The following CTIF variants were observed in gnomAD, a reference collection of about 807,000 sequenced individuals.
CTIF encodes CBP80/20-dependent translation initiation factor.
In CTIF, 21 loss-of-function variants were observed where a neutral mutation model predicts 66.0. The ratio of observed to expected loss-of-function variants is 0.32; its 90% confidence interval spans 0.23 to 0.46. The LOEUF (loss-of-function observed/expected upper bound fraction) is 0.46, where lower values mean the gene tolerates loss of function less well. CTIF is among the 20% of genes least tolerant of loss of function. CTIF has a pLI of 1.00. For missense variants in CTIF, 739 were observed against 812.7 expected (o/e 0.91, Z 1.10); for synonymous variants, 345 against 326.4 (o/e 1.06, Z -0.62).
chr18:48,653,428 G>T (rs561569602), intron 3 of CTIF, among the ~76,000 whole-genome samples: 4 of 152,218 alleles, frequency 2.6e-5, no homozygotes, highest in South Asian at 4.2e-4. Flanking sequence ...GGAATGTGAA[G>T]GACCTCTTCA....
intron 9 of CTIF, among the ~76,000 whole-genome samples, chr18:48,812,956 C>G (rs1568238909): frequency 2.0e-5 from 3 of 151,732 alleles, no homozygotes; most frequent in Admixed American, 6.6e-5. Context: ...GAAAACTTCT[C>G]TAATTCACAG....
At chr18:48,639,541 G>T (rs900071995) in intron 3 of CTIF, among the ~76,000 whole-genome samples, 1 of 152,168 alleles carries the variant, frequency 6.6e-6, no homozygotes, top group Non-Finnish European at 1.5e-5. Flanking sequence ...TGCTGCAGGG[G>T]GAGGCAGGAG....
rs1050063227 is a variant in CTIF, at chr18:48,761,227, T to C, written c.1072-163T>C. The C allele has an allele frequency of 6.3e-6, 4 of 631,186 alleles. No homozygotes were observed. Among genetic ancestry groups the C allele is most frequent in the East Asian group, 2.8e-5 (1 of 36,250 alleles). 39.1% of individuals were successfully genotyped at this position (631,186 alleles called of 1,614,324 possible). ...AAGGCAACAAGGAGCTTTTGGCGCA[T>C]GAGGGGTCTTTGGTGGAGGTTCCCA... On this transcript the variant is annotated intron_variant, in intron 8 of 11. Coordinates refer to ENST00000256413, the MANE Select transcript of CTIF (RefSeq NM_014772.3). The surrounding 1 kb of genome is among the most constrained non-coding windows in gnomAD (Gnocchi z 4.2).
rs534464744 is a variant in CTIF, at chr18:48,857,511, G to A, written c.1528-77G>A. The A allele has an allele frequency of 3.6e-4, 490 of 1,351,696 alleles. 5 individuals carry two copies. The African/African-American group carries it at 5.5e-3, about 15-fold the overall frequency. The allele number at this position is 1,351,696 out of a possible 1,614,324, so 83.7% of individuals were successfully genotyped here. ...ATCAGGGCTGGGGCTGCAGGTCGGC[G>A]GGGGCTGCAGGGAGCTACAGGGCCC... On this transcript the variant is annotated intron_variant, in intron 10 of 11. Coordinates refer to ENST00000256413, the MANE Select transcript of CTIF (RefSeq NM_014772.3).
chr18:48,592,732 C>T (rs1024185196), intron 1 of CTIF, among the ~76,000 whole-genome samples: 1 of 152,222 alleles, frequency 6.6e-6, no homozygotes, highest in African/African-American at 2.4e-5. Flanking sequence ...CAGGCCTCTG[C>T]CTGGCAGTGC....
At position 48,730,656 on chromosome 18, in the gene CTIF, T is replaced by TCCGCGGTGTGAGGGGCCC. The variant is rs1175681443; in HGVS notation, c.584+18962_584+18963insCGCGGTGTGAGGGGCCCC. Among the ~76,000 whole-genome samples, 53 of 103,736 alleles carry TCCGCGGTGTGAGGGGCCC rather than the reference T, an allele frequency of 5.1e-4. 1 individual carries two copies. Among genetic ancestry groups the TCCGCGGTGTGAGGGGCCC allele is most frequent in the African/African-American group, 1.4e-3 (38 of 27,302 alleles). The allele number at this position is 103,736 out of a possible 152,430, so 68.1% of individuals were successfully genotyped here. A position where few individuals can be genotyped will look rare whatever the true frequency, so the allele number is the denominator to read the frequency against. ...AGGGGCCCCTGTGGTGTGAGGGGCT[T>TCCGCGGTGTGAGGGGCCC]CTGCGGTGTGAGGGGCTTCTGCGGT... On this transcript the variant is annotated intron_variant, in intron 7 of 11. Coordinates refer to ENST00000256413, the MANE Select transcript of CTIF (RefSeq NM_014772.3).
intron 1 of CTIF, among the ~76,000 whole-genome samples, chr18:48,609,485 A>G (rs957750817): frequency 6.6e-6 from 1 of 152,142 alleles, no homozygotes; most frequent in African/African-American, 2.4e-5. Context: ...CACTTTTCTC[A>G]TTCATTCTTT....
At chr18:48,773,977 G>C (rs561969951) in intron 9 of CTIF, among the ~76,000 whole-genome samples, 3 of 152,260 alleles carry the variant, frequency 2.0e-5, no homozygotes, top group Non-Finnish European at 4.4e-5. Context: ...ACAGTGTTCA[G>C]GGTGGCCAGG....
At chr18:48,765,248 G>A (rs1166952308) in intron 9 of CTIF, among the ~76,000 whole-genome samples, 2 of 152,066 alleles carry the variant, frequency 1.3e-5, no homozygotes, top group East Asian at 3.9e-4. Context: ...GCACAGCCCT[G>A]CCCCCTGCTT....
At chr18:48,780,991 C>A (rs1911154883) in intron 9 of CTIF, among the ~76,000 whole-genome samples, 1 of 152,174 alleles carries the variant, frequency 6.6e-6, no homozygotes, top group Non-Finnish European at 1.5e-5. Context: ...GACTAGCAAG[C>A]CAATATGTTT....
At chr18:48,599,776 G>A (rs951941171) in intron 1 of CTIF, among the ~76,000 whole-genome samples, 2 of 152,230 alleles carry the variant, frequency 1.3e-5, no homozygotes, top group African/African-American at 2.4e-5. Context: ...TCTAGCGACA[G>A]GGTGGGTACC....
intron 6 of CTIF, among the ~76,000 whole-genome samples, chr18:48,684,652 CT>C (rs2091806033): frequency 6.6e-6 from 1 of 152,086 alleles, no homozygotes; most frequent in South Asian, 2.1e-4. Flanking sequence ...CTTTCCTTTT[CT>C]TTATTTTGCA....
intron 9 of CTIF, among the ~76,000 whole-genome samples, chr18:48,762,456 C>T (rs577649236): frequency 3.9e-5 from 6 of 152,278 alleles, no homozygotes; most frequent in Admixed American, 1.3e-4. Flanking sequence ...AAACTGGTGA[C>T]GTCAGGGAGA....
chr18:48,683,929 C>T (rs1211643656), intron 6 of CTIF, among the ~76,000 whole-genome samples: 1 of 152,172 alleles, frequency 6.6e-6, no homozygotes, highest in Non-Finnish European at 1.5e-5. Flanking sequence ...ACCATGAGGC[C>T]CAGGGCTGCT....
At chr18:48,694,159 G>C (rs2091973400) in intron 6 of CTIF, among the ~76,000 whole-genome samples, 1 of 152,168 alleles carries the variant, frequency 6.6e-6, no homozygotes, top group Non-Finnish European at 1.5e-5. Context: ...GGTTGCCCTA[G>C]GGTGCCCGGC....
intron 8 of CTIF, among the ~76,000 whole-genome samples, chr18:48,759,926 C>A (rs142776464): frequency 2.0e-4 from 30 of 152,308 alleles, no homozygotes; most frequent in African/African-American, 6.7e-4. Flanking sequence ...GGTCACTCCC[C>A]ACTCTGCTAG....
chr18:48,823,612 G>A (rs996230895), intron 10 of CTIF, among the ~76,000 whole-genome samples: 4 of 152,152 alleles, frequency 2.6e-5, no homozygotes, highest in Non-Finnish European at 5.9e-5. Context: ...CTCAAGCTTT[G>A]TTCTTCTTCA....
At chr18:48,839,619 C>T (rs1165572094) in intron 10 of CTIF, among the ~76,000 whole-genome samples, 6 of 152,176 alleles carry the variant, frequency 3.9e-5, no homozygotes, top group South Asian at 4.1e-4. Context: ...ACTGGTGGGG[C>T]GGCTGAATCA....
chr18:48,672,615 A>G (rs1254104080), intron 6 of CTIF, among the ~76,000 whole-genome samples: 2 of 152,164 alleles, frequency 1.3e-5, no homozygotes, highest in African/African-American at 4.8e-5. Flanking sequence ...TTAGACAAAA[A>G]TCAGGGCTGG....
Sources: allele counts gnomAD v4.1 joint callset (sites outside exome capture counted in the v4.1 genomes callset), GRCh38; gene constraint gnomAD v4.1.1; non-coding constraint Gnocchi (gnomAD v3.1); transcripts MANE v1.5; gene names NCBI Gene and HGNC (gene_info 2026-07-23, HGNC 2026-07-21).